LINGO2: variants seen among roughly 807,000 people sequenced by gnomAD.
The protein encoded by LINGO2 is leucine rich repeat and Ig domain containing 2.
A neutral mutation model predicts 30.6 loss-of-function variants in LINGO2; 14 were observed. The observed-to-expected ratio is 0.46, with a 90% CI of 0.30 to 0.72. LINGO2 has a LOEUF of 0.72. Among genes scored for constraint, LINGO2 ranks in the 30% least tolerant of loss-of-function variants. The probability of loss-of-function intolerance (pLI) is 0.07; values close to 1 mark genes in which losing one functional copy is unlikely to be tolerated. For missense variants in LINGO2, 729 were observed against 751.7 expected (o/e 0.97, Z 0.35); for synonymous variants, 317 against 288.5 (o/e 1.10, Z -1.00).
At chr9:28,695,336 A>T in the LINGO2 span, among the ~76,000 whole-genome samples, 1 of 151,994 alleles carries the variant, frequency 6.6e-6, no homozygotes. Context: ...TTTAAAAATG[A>T]TAATATCCAG....
At chr9:28,912,596 T>A in the LINGO2 span, among the ~76,000 whole-genome samples, 1 of 152,150 alleles carries the variant, frequency 6.6e-6, no homozygotes, top group Non-Finnish European at 1.5e-5. Flanking sequence ...GTAACCCTTA[T>A]GGAATTTTAT....
the LINGO2 span, among the ~76,000 whole-genome samples, chr9:28,737,626 C>G: frequency 1.7e-5 from 2 of 120,530 alleles, no homozygotes; most frequent in Admixed American, 1.9e-4. Flanking sequence ...GCAATCACCA[C>G]AGTAAATGGC....
At chr9:28,017,225 G>A (rs1822884282) in intron 4 of LINGO2, among the ~76,000 whole-genome samples, 1 of 152,112 alleles carries the variant, frequency 6.6e-6, no homozygotes, top group African/African-American at 2.4e-5. Flanking sequence ...CAAACCCACA[G>A]CCAACATCAT....
chr9:29,069,707 C>T, the LINGO2 span, among the ~76,000 whole-genome samples: 1 of 151,998 alleles, frequency 6.6e-6, no homozygotes, highest in Non-Finnish European at 1.5e-5. Flanking sequence ...CTTCTCAGGA[C>T]TACTAATCTG....
intron 4 of LINGO2, among the ~76,000 whole-genome samples, chr9:28,279,668 A>G (rs1823250489): frequency 6.6e-6 from 1 of 152,162 alleles, no homozygotes; most frequent in Admixed American, 6.6e-5. Context: ...TGCACTAGGA[A>G]GCCAAAAATT....
chr9:28,538,758 G>A (rs893181655), intron 1 of LINGO2, among the ~76,000 whole-genome samples: 11 of 152,002 alleles, frequency 7.2e-5, no homozygotes, highest in African/African-American at 1.7e-4. Flanking sequence ...TAATTCATTC[G>A]TGAATGTGGA....
the LINGO2 span, among the ~76,000 whole-genome samples, chr9:28,793,164 GA>G: frequency 6.6e-6 from 1 of 152,038 alleles, no homozygotes; most frequent in East Asian, 1.9e-4. Flanking sequence ...ACAAGAGACA[GA>G]GAAACAAAAC....
chr9:28,180,958 T>G (rs2133710207), intron 4 of LINGO2, among the ~76,000 whole-genome samples: 1 of 152,310 alleles, frequency 6.6e-6, no homozygotes, highest in East Asian at 1.9e-4. Context: ...TTCTATGTAC[T>G]TTCACAGAAA....
intron 3 of LINGO2, among the ~76,000 whole-genome samples, chr9:28,302,820 A>G (rs796445002): frequency 2.0e-5 from 3 of 152,316 alleles, no homozygotes; most frequent in African/African-American, 7.2e-5. Context: ...TATGCTTTAC[A>G]TACATGTTCT....
the LINGO2 span, among the ~76,000 whole-genome samples, chr9:29,021,980 T>A: frequency 6.6e-6 from 1 of 152,168 alleles, no homozygotes; most frequent in South Asian, 2.1e-4. Context: ...ATAACATTTC[T>A]TATGGCAGTA....
intron 4 of LINGO2, among the ~76,000 whole-genome samples, chr9:28,109,197 C>T (rs7034549): frequency 6.6e-6 from 1 of 152,054 alleles, no homozygotes. Context: ...ATTCAACATC[C>T]CTTCATGTTA....
chr9:28,655,348 T>C (rs1374978445), intron 1 of LINGO2, among the ~76,000 whole-genome samples: 2 of 152,066 alleles, frequency 1.3e-5, no homozygotes, highest in East Asian at 3.9e-4. Flanking sequence ...ACCCCCATTG[T>C]ATCTAGGAAG....
chr9:28,843,617 G>A, the LINGO2 span, among the ~76,000 whole-genome samples: 21 of 151,794 alleles, frequency 1.4e-4, no homozygotes, highest in African/African-American at 5.1e-4. Context: ...AGAGAAAGGG[G>A]AGGGATGGAG....
chr9:28,097,046 AAAG>A lies in LINGO2; in HGVS notation c.-86-84644_-86-84642del, dbSNP rs1309717031. 5.3e-5 allele frequency among the ~76,000 whole-genome samples: 8 copies of A among 152,220 alleles called. No homozygotes were observed. The East Asian group carries it at 1.5e-3, about 29-fold the overall frequency. Reference sequence around the variant, plus strand: ...AATAAAAGAAACAAAATTGAAAAAAAAAGAAGACATTTATGCAGCCAAAAAACA... The same window carrying A: ...AATAAAAGAAACAAAATTGAAAAAAAAAGACATTTATGCAGCCAAAAAACA... On this transcript the variant is annotated intron_variant, in intron 4 of 5. Coordinates refer to ENST00000379992, the Ensembl canonical transcript of LINGO2.
In LINGO2 at chr9:28,482,892, C is replaced by G. The variant is rs563104562; in HGVS notation, c.-364-6867G>C. ...CGTTAGACCTAAAATCATAAAAACCCTAGAAGAAAACCTAGGCATTACCAT... is the reference window on the plus strand; with the variant it reads ...CGTTAGACCTAAAATCATAAAAACCGTAGAAGAAAACCTAGGCATTACCAT... On this transcript the variant is annotated intron_variant, in intron 1 of 5. Transcript: ENST00000379992. 2.3e-3 allele frequency among the ~76,000 whole-genome samples: 344 copies of G among 152,138 alleles called. 5 individuals carry two copies. The highest frequency in any genetic ancestry group is 7.8e-3 in the African/African-American group (324 of 41,526).
chr9:29,173,193 T>G, the LINGO2 span, among the ~76,000 whole-genome samples: 1 of 151,996 alleles, frequency 6.6e-6, no homozygotes. Context: ...TGAACCAAGA[T>G]TGGAATAGAG....
the LINGO2 span, among the ~76,000 whole-genome samples, chr9:29,034,326 C>A: frequency 1.3e-5 from 2 of 151,778 alleles, no homozygotes; most frequent in Non-Finnish European, 2.9e-5. Flanking sequence ...GCATGATATT[C>A]ATAATATTAT....
the LINGO2 span, among the ~76,000 whole-genome samples, chr9:28,836,031 T>C: frequency 6.6e-6 from 1 of 152,320 alleles, no homozygotes; most frequent in Non-Finnish European, 1.5e-5. Flanking sequence ...AATAATTGAG[T>C]GAGCAAATGA....
chr9:28,892,248 T>C, the LINGO2 span, among the ~76,000 whole-genome samples: 1 of 151,992 alleles, frequency 6.6e-6, no homozygotes, highest in Admixed American at 6.6e-5. Flanking sequence ...AGAGGTCAAG[T>C]TCTCAAGTTT....
Sources: gnomAD v4.1 joint callset for allele counts (sites outside exome capture counted in the v4.1 genomes callset) on GRCh38, gnomAD v4.1.1 for gene constraint, MANE v1.5 for transcripts, NCBI Gene and HGNC (gene_info 2026-07-23, HGNC 2026-07-21) for gene names.